DIP2C: variants seen among roughly 807,000 people sequenced by gnomAD.
DIP2C encodes the protein disco-interacting protein 2 homolog C.
DIP2C carries 33 observed loss-of-function variants against 192.4 expected under a neutral mutation model. That is an observed-to-expected ratio of 0.17 (90% CI 0.13 to 0.23). The LOEUF is 0.23. Ranked by LOEUF, DIP2C falls within the 10% of genes least tolerant of loss-of-function variation. The pLI is 1.00. For synonymous variants in DIP2C, 979 were observed against 864.1 expected, an observed-to-expected ratio of 1.13 and a Z score of -2.33; for missense variants, 1,537 against 2,110.1, an observed-to-expected ratio of 0.73 and a Z score of 5.32.
chr10:682,627 C>G (rs1831174076), intron 1 of DIP2C, among the ~76,000 whole-genome samples: 1 of 151,886 alleles, frequency 6.6e-6, no homozygotes, highest in Non-Finnish European at 1.5e-5. Context: ...TCTAAAATTA[C>G]ACAGAGACAA....
intron 1 of DIP2C, among the ~76,000 whole-genome samples, chr10:532,832 G>A (rs1564825118): frequency 6.6e-6 from 1 of 151,932 alleles, no homozygotes; most frequent in African/African-American, 2.4e-5. Flanking sequence ...CAGGCACAGT[G>A]CACCACAAGT....
chr10:509,095 A>G (rs1177677502), intron 1 of DIP2C, among the ~76,000 whole-genome samples: 2 of 152,168 alleles, frequency 1.3e-5, no homozygotes, highest in South Asian at 2.1e-4. Flanking sequence ...CAGGCCCAAG[A>G]TATCTAGTGG....
rs540426364 is a variant in DIP2C at position 599,176 on chromosome 10, T to A, written c.85+90318A>T. Among the ~76,000 whole-genome samples the A allele has an allele frequency of 1.5e-4, 23 of 152,240 alleles. No homozygotes were observed. The South Asian group carries it at 4.8e-3, about 32-fold the overall frequency. On this transcript the variant is annotated intron_variant, in intron 1 of 36. Coordinates refer to ENST00000280886, the MANE Select transcript of DIP2C (RefSeq NM_014974.3). ...AGGGAGGAGGGCAGAATAATGCCAT[T>A]TCCCCCTAGTTTAGGGAGACAGCAC...
intron 6 of DIP2C, among the ~76,000 whole-genome samples, chr10:418,836 C>T (rs1020030389): frequency 6.6e-6 from 1 of 152,236 alleles, no homozygotes; most frequent in Non-Finnish European, 1.5e-5. Flanking sequence ...GACTAAATTC[C>T]TACAACATTT....
At chr10:575,597 G>T (rs776571930) in intron 1 of DIP2C, among the ~76,000 whole-genome samples, 3 of 152,164 alleles carry the variant, frequency 2.0e-5, no homozygotes, top group Non-Finnish European at 4.4e-5. Context: ...ACATAGCTCA[G>T]CATCATCAAA....
At chr10:610,519 T>C (rs891416515) in intron 1 of DIP2C, among the ~76,000 whole-genome samples, 7 of 152,262 alleles carry the variant, frequency 4.6e-5, no homozygotes, top group African/African-American at 1.2e-4. Flanking sequence ...TTGATCAATA[T>C]AGGGACGTAT....
chr10:539,080 T>G (rs987806459), intron 1 of DIP2C, among the ~76,000 whole-genome samples: 24 of 151,964 alleles, frequency 1.6e-4, no homozygotes, highest in Admixed American at 5.2e-4. Flanking sequence ...TCCGTGCGTT[T>G]TGTGAATCTG....
intron 1 of DIP2C, among the ~76,000 whole-genome samples, chr10:679,656 ACTCGTCCTC>A (rs1831058182): frequency 7.7e-6 from 1 of 129,522 alleles, no homozygotes; most frequent in Non-Finnish European, 1.6e-5. Context: ...TGCTCCCCGC[ACTCGTCCTC>A]CCCATACCCA....
intron 1 of DIP2C, among the ~76,000 whole-genome samples, chr10:528,632 C>T (rs530416893): frequency 3.9e-5 from 6 of 152,304 alleles, no homozygotes; most frequent in African/African-American, 9.6e-5. Flanking sequence ...GAGTCTCACT[C>T]GCTGGACTCT....
intron 1 of DIP2C, among the ~76,000 whole-genome samples, chr10:488,943 T>A (rs1844224372): frequency 6.6e-6 from 1 of 152,068 alleles, no homozygotes; most frequent in Admixed American, 6.5e-5. Context: ...GACCTGCAGG[T>A]AAGTGACTGG....
chr10:592,051 A>AGAG (rs1851434834), intron 1 of DIP2C, among the ~76,000 whole-genome samples: 1 of 152,260 alleles, frequency 6.6e-6, no homozygotes, highest in African/African-American at 2.4e-5. Flanking sequence ...TGAGGGAGAC[A>AGAG]CATTCATAGC....
intron 1 of DIP2C, among the ~76,000 whole-genome samples, chr10:590,964 G>A (rs568103220): frequency 6.6e-6 from 1 of 152,290 alleles, no homozygotes; most frequent in Admixed American, 6.5e-5. Flanking sequence ...AGGTTCTTCT[G>A]CCGGTGGCAA....
chr10:444,795 T>C (rs1206053325), intron 3 of DIP2C, among the ~76,000 whole-genome samples: 6 of 152,256 alleles, frequency 3.9e-5, no homozygotes, highest in Admixed American at 1.3e-4. Context: ...ACTAGGACAA[T>C]GTATGAATAT....
chr10:657,383 C>T (rs1356190694), intron 1 of DIP2C, among the ~76,000 whole-genome samples: 2 of 62,278 alleles, frequency 3.2e-5, no homozygotes, highest in Non-Finnish European at 6.7e-5. Context: ...CTGGACCTGA[C>T]CCTGGACCTG....
rs531634610 is a variant in DIP2C at position 387,573 on chromosome 10, G to A, written c.1662+172C>T. 8.2e-3 allele frequency among the ~76,000 whole-genome samples: 1,049 copies of A among 127,210 alleles called. 31 individuals are homozygous for A. The highest frequency in any genetic ancestry group is 0.03 in the African/African-American group (986 of 33,382). 83.5% of individuals were successfully genotyped at this position (127,210 alleles called of 152,430 possible). On this transcript the variant is annotated intron_variant, in intron 14 of 36. Transcript: ENST00000280886. ...GGACAGGCAGGGCGGGGTGGGGGGC[G>A]ACTCCTGTGTGGACAGGCAGGGTGG...
chr10:571,467 T>TCCC (rs370351306), intron 1 of DIP2C, among the ~76,000 whole-genome samples: 15 of 148,992 alleles, frequency 1.0e-4, no homozygotes, highest in African/African-American at 3.4e-4. Context: ...TCCTCCTGCA[T>TCCC]CCCCCCTCCT....
intron 1 of DIP2C, among the ~76,000 whole-genome samples, chr10:599,759 C>T (rs1191013952): frequency 6.6e-6 from 1 of 152,128 alleles, no homozygotes; most frequent in African/African-American, 2.4e-5. Flanking sequence ...TTTAAGATTC[C>T]GGATGTAAAT....
intron 26 of DIP2C, 149 bp from the exon 27 acceptor site, chr10:345,259 T>A: frequency 6.2e-6 from 5 of 809,268 alleles, no homozygotes; most frequent in Non-Finnish European, 1.0e-5. Flanking sequence ...CTGGCTAAGG[T>A]AGGACAGAGC....
intron 4 of DIP2C, among the ~76,000 whole-genome samples, chr10:433,632 G>A (rs1361775165): frequency 6.6e-6 from 1 of 152,172 alleles, no homozygotes; most frequent in Non-Finnish European, 1.5e-5. Flanking sequence ...ACTGAGATAA[G>A]ATCGGGCTAT....
Sources: gnomAD v4.1 joint callset for allele counts (sites outside exome capture counted in the v4.1 genomes callset) on GRCh38, gnomAD v4.1.1 for gene constraint, MANE v1.5 for transcripts, NCBI Gene and HGNC (gene_info 2026-07-23, HGNC 2026-07-21) for gene names.